The following ACKR2 variants were observed in gnomAD, a reference collection of about 807,000 sequenced individuals.
The protein encoded by ACKR2 is C-C chemokine receptor D6.
For missense variants in ACKR2, 457 were observed against 477.3 expected (o/e 0.96, Z 0.40); for synonymous variants, 207 against 192.2 (o/e 1.08, Z -0.64).
At chr3:42,854,513 C>A (rs1247729584) in intron 2 of ACKR2, among the ~76,000 whole-genome samples, 1 of 152,156 alleles carries the variant, frequency 6.6e-6, no homozygotes, top group Non-Finnish European at 1.5e-5. Context: ...TCGTCACTTC[C>A]ACCTCACGTT....
At chr3:42,818,724 G>T (rs1035570289) in intron 1 of ACKR2, among the ~76,000 whole-genome samples, 4 of 152,098 alleles carry the variant, frequency 2.6e-5, no homozygotes, top group African/African-American at 4.8e-5. Context: ...ACCACACCCA[G>T]CTAATTTTTG....
intron 2 of ACKR2, among the ~76,000 whole-genome samples, chr3:42,861,265 G>T (rs973690300): frequency 6.6e-6 from 1 of 152,154 alleles, no homozygotes; most frequent in African/African-American, 2.4e-5. Context: ...AAATCTAGAA[G>T]AAATGGATAA....
chr3:42,852,724 C>T lies in ACKR2; in HGVS notation c.-37-11742C>T, dbSNP rs117727193. ...CATGAAAACAGACAAACAGGATACA[C>T]TAAGATGTTCCTGTGGGTTATTTTT... On this transcript the variant is annotated intron_variant, in intron 2 of 2. Coordinates refer to ENST00000422265, the MANE Select transcript of ACKR2 (RefSeq NM_001296.5). The surrounding 1 kb of genome is among the most constrained non-coding windows in gnomAD (Gnocchi z 4.3). Among the ~76,000 whole-genome samples, 112 of 152,334 alleles carry T rather than the reference C, an allele frequency of 7.4e-4. No homozygotes were observed. The East Asian group carries it at 0.02, about 27-fold the overall frequency.
intron 2 of ACKR2, among the ~76,000 whole-genome samples, chr3:42,855,038 G>T (rs1182953108): frequency 1.3e-5 from 2 of 151,938 alleles, no homozygotes; most frequent in Non-Finnish European, 2.9e-5. Flanking sequence ...TGTATTTTTA[G>T]TAGAGATGGG....
At chr3:42,851,773 A>C (rs1473201275) in intron 2 of ACKR2, among the ~76,000 whole-genome samples, 1 of 152,062 alleles carries the variant, frequency 6.6e-6, no homozygotes, top group Admixed American at 6.5e-5. Context: ...TCTGGGCCTC[A>C]GTGTTCCCGG....
At chr3:42,849,975 A>T (rs1701135404) in intron 2 of ACKR2, among the ~76,000 whole-genome samples, 1 of 152,232 alleles carries the variant, frequency 6.6e-6, no homozygotes, top group African/African-American at 2.4e-5. Context: ...GCTGGCAGAC[A>T]GGTATCCAGG....
intron 2 of ACKR2, among the ~76,000 whole-genome samples, chr3:42,820,906 A>G (rs2125604267): frequency 6.7e-6 from 1 of 148,416 alleles, no homozygotes; most frequent in East Asian, 2.0e-4. Flanking sequence ...TTTCTTTGAG[A>G]TGGAGTCTCA....
At chr3:42,832,230 TG>T (rs1193741247) in intron 2 of ACKR2, among the ~76,000 whole-genome samples, 1 of 152,152 alleles carries the variant, frequency 6.6e-6, no homozygotes, top group Non-Finnish European at 1.5e-5. Context: ...GGCTCATGCC[TG>T]TAATCCCAGC....
At chr3:42,828,094 T>TATA (rs533091556) in intron 2 of ACKR2, among the ~76,000 whole-genome samples, 6,270 of 71,256 alleles carry the variant, frequency 0.088, 200 homozygotes, top group Middle Eastern at 0.15. Flanking sequence ...ATATATATAT[T>TATA]TTTTTTTTTT....
intron 2 of ACKR2, among the ~76,000 whole-genome samples, chr3:42,863,778 A>G (rs112603095): frequency 0.023 from 3,465 of 152,260 alleles, 52 homozygotes; most frequent in South Asian, 0.038. Flanking sequence ...AAAACACTGC[A>G]TGTTCTCACT....
At chr3:42,844,617 G>A (rs577185919) in intron 2 of ACKR2, among the ~76,000 whole-genome samples, 1 of 152,300 alleles carries the variant, frequency 6.6e-6, no homozygotes, top group Admixed American at 6.5e-5. Flanking sequence ...TCTGGTAGAC[G>A]AGGGCCACCA....
chr3:42,844,703 GT>G (rs1701074534), intron 2 of ACKR2, among the ~76,000 whole-genome samples: 1 of 152,196 alleles, frequency 6.6e-6, no homozygotes, highest in African/African-American at 2.4e-5. Context: ...ACACACTCAT[GT>G]AGATGAGAAA....
At chr3:42,844,880 T>A (rs1190844655) in intron 2 of ACKR2, among the ~76,000 whole-genome samples, 4 of 152,198 alleles carry the variant, frequency 2.6e-5, no homozygotes, top group South Asian at 2.1e-4. Context: ...TGGTGCCACC[T>A]GGTTCTTGGT....
At chr3:42,812,465 C>T (rs909224887) in intron 1 of ACKR2, among the ~76,000 whole-genome samples, 2 of 152,072 alleles carry the variant, frequency 1.3e-5, no homozygotes, top group Non-Finnish European at 2.9e-5. Flanking sequence ...TAGTCCATTT[C>T]CTTTCTTTTA....
chr3:42,855,773 C>G (rs967663261), intron 2 of ACKR2, among the ~76,000 whole-genome samples: 1 of 152,132 alleles, frequency 6.6e-6, no homozygotes. Context: ...AGGCTAAAGA[C>G]CTCGAGTGGG....
intron 1 of ACKR2, among the ~76,000 whole-genome samples, chr3:42,819,027 C>T (rs1277143541): frequency 6.6e-6 from 1 of 151,992 alleles, no homozygotes; most frequent in Admixed American, 6.6e-5. Flanking sequence ...GGATGGTGGG[C>T]ACAGAATTTT....
intron 2 of ACKR2, chr3:42,838,998 A>G (rs9861236): frequency 0.067 from 10,149 of 152,320 alleles, 385 homozygotes; most frequent in South Asian, 0.12. Context: ...ACTCTGGAAT[A>G]AAGAGTCTGA....
intron 2 of ACKR2, among the ~76,000 whole-genome samples, chr3:42,825,125 A>G (rs1259192712): frequency 1.3e-5 from 2 of 152,192 alleles, no homozygotes; most frequent in Non-Finnish European, 2.9e-5. Flanking sequence ...CTTTGTAGTA[A>G]GTTTTGAAAA....
intron 2 of ACKR2, among the ~76,000 whole-genome samples, chr3:42,822,569 C>A (rs1313938327): frequency 1.3e-5 from 2 of 152,096 alleles, no homozygotes; most frequent in African/African-American, 4.8e-5. Flanking sequence ...AAAATAAAAA[C>A]AGGCTGGGTG....
Sources: gnomAD v4.1 joint callset for allele counts (sites outside exome capture counted in the v4.1 genomes callset) on GRCh38, gnomAD v4.1.1 for gene constraint, Gnocchi (gnomAD v3.1) non-coding constraint, MANE v1.5 for transcripts, NCBI Gene and HGNC (gene_info 2026-07-23, HGNC 2026-07-21) for gene names.